Variants in SPOCK1 observed in about 807,000 individuals in gnomAD.
SPOCK1 encodes testican-1.
In SPOCK1, 23 loss-of-function variants were observed where a neutral mutation model predicts 55.3. The observed-to-expected ratio is 0.42, with a 90% CI of 0.30 to 0.59. SPOCK1 has a LOEUF of 0.59. Ranked by LOEUF, SPOCK1 falls within the 20% of genes least tolerant of loss-of-function variation. The pLI is 0.22. For synonymous variants in SPOCK1, 226 were observed against 221.0 expected (o/e 1.02, Z -0.20); for missense variants, 499 against 552.5 (o/e 0.90, Z 0.97).
chr5:137,153,084 G>T (rs992846037), intron 3 of SPOCK1, among the ~76,000 whole-genome samples: 2 of 152,172 alleles, frequency 1.3e-5, no homozygotes, highest in African/African-American at 2.4e-5. Context: ...TATCTTGGGG[G>T]TTCAATAACT....
chr5:137,329,784 C>A (rs1758138268), intron 2 of SPOCK1, among the ~76,000 whole-genome samples: 1 of 152,196 alleles, frequency 6.6e-6, no homozygotes, highest in Admixed American at 6.5e-5. Context: ...GCTCGAGAAG[C>A]CATCTGCATG....
At chr5:137,347,327 G>A (rs551126899) in intron 2 of SPOCK1, among the ~76,000 whole-genome samples, 1 of 152,326 alleles carries the variant, frequency 6.6e-6, no homozygotes, top group African/African-American at 2.4e-5. Flanking sequence ...CTAACAGGGT[G>A]TAATTTCTCA....
At chr5:137,368,769 C>G (rs1048181277) in intron 2 of SPOCK1, among the ~76,000 whole-genome samples, 2 of 152,342 alleles carry the variant, frequency 1.3e-5, no homozygotes, top group Non-Finnish European at 2.9e-5. Context: ...CCACATCTCC[C>G]ATGTGTCTCC....
At chr5:137,382,455 T>A (rs1396387168) in intron 2 of SPOCK1, among the ~76,000 whole-genome samples, 2 of 152,198 alleles carry the variant, frequency 1.3e-5, no homozygotes, top group Admixed American at 6.5e-5. Context: ...ATTTTCACAC[T>A]GATATAAAGA....
intron 5 of SPOCK1, among the ~76,000 whole-genome samples, chr5:137,089,741 A>C (rs1045480996): frequency 3.3e-5 from 5 of 151,946 alleles, no homozygotes; most frequent in Non-Finnish European, 7.4e-5. Context: ...CAGAAACGCC[A>C]AATCTACACT....
At chr5:137,118,988 T>G (rs1451452198) in intron 4 of SPOCK1, among the ~76,000 whole-genome samples, 2 of 152,218 alleles carry the variant, frequency 1.3e-5, no homozygotes, top group Admixed American at 6.5e-5. Flanking sequence ...ACATAGCAAC[T>G]ACTCTGAGGG....
chr5:137,341,152 C>T (rs571048141), intron 2 of SPOCK1, among the ~76,000 whole-genome samples: 27 of 152,372 alleles, frequency 1.8e-4, no homozygotes, highest in African/African-American at 6.3e-4. Flanking sequence ...CAAGGGGGAA[C>T]AACTTCAAGC....
At chr5:137,173,388 C>T (rs113390219) in intron 3 of SPOCK1, among the ~76,000 whole-genome samples, 1 of 152,148 alleles carries the variant, frequency 6.6e-6, no homozygotes, top group Non-Finnish European at 1.5e-5. Context: ...TCAACTTTTT[C>T]TTAACCAGAG....
intron 3 of SPOCK1, among the ~76,000 whole-genome samples, chr5:137,265,346 C>T (rs2127115365): frequency 6.6e-6 from 1 of 152,264 alleles, no homozygotes; most frequent in South Asian, 2.1e-4. Flanking sequence ...ACATTTGATC[C>T]TTATAGCACA....
intron 2 of SPOCK1, among the ~76,000 whole-genome samples, chr5:137,382,422 G>A (rs1442027454): frequency 6.6e-6 from 1 of 152,066 alleles, no homozygotes; most frequent in African/African-American, 2.4e-5. Context: ...CACTCTCCTG[G>A]TACCAATTTT....
Position 137,397,802 on chromosome 5 carries a change from C to T in SPOCK1, c.186+100571G>A, listed in dbSNP as rs1233419466. Among the ~76,000 whole-genome samples, 3 of 152,160 alleles carry T rather than the reference C, an allele frequency of 2.0e-5. No individual in the cohort carries two copies. In the East Asian group the frequency reaches 5.8e-4, roughly 29 times the overall value. On this transcript the variant is annotated intron_variant, in intron 2 of 10. Transcript: ENST00000394945. ...AAGGGGCTTAAGTCATTTCAGCTGG[C>T]TCTCACATATTCAAGATTCAGCTCA...
At chr5:137,072,524 A>T (rs903124876) in intron 5 of SPOCK1, among the ~76,000 whole-genome samples, 2 of 152,214 alleles carry the variant, frequency 1.3e-5, no homozygotes, top group African/African-American at 4.8e-5. Context: ...GTGCTAGCAG[A>T]TTTCCCAACC....
intron 2 of SPOCK1, among the ~76,000 whole-genome samples, chr5:137,300,517 A>G (rs1207041773): frequency 6.6e-6 from 1 of 152,092 alleles, no homozygotes; most frequent in Non-Finnish European, 1.5e-5. Context: ...TTTATGTTCC[A>G]ATAGGCAGTT....
chr5:137,441,437 T>G (rs1426900754), intron 2 of SPOCK1, among the ~76,000 whole-genome samples: 1 of 152,216 alleles, frequency 6.6e-6, no homozygotes, highest in Admixed American at 6.5e-5. Flanking sequence ...AGTCTATGAT[T>G]CCAACTTTTA....
chr5:137,072,665 T>C (rs1036317914), intron 5 of SPOCK1, among the ~76,000 whole-genome samples: 1 of 152,246 alleles, frequency 6.6e-6, no homozygotes, highest in Admixed American at 6.5e-5. Flanking sequence ...TTCTGGTTCA[T>C]TGCTCACACA....
At chr5:137,455,539 T>A (rs895159892) in intron 2 of SPOCK1, among the ~76,000 whole-genome samples, 2 of 152,110 alleles carry the variant, frequency 1.3e-5, no homozygotes, top group Non-Finnish European at 2.9e-5. Flanking sequence ...CAGCAGCCAG[T>A]CAAAGTCATA....
rs146762668 is a variant in SPOCK1, at chr5:137,434,480, C to CTTTTTTTT, written c.186+63885_186+63892dup. ...TTTCCCTTCTCCATTTCTTTTTTTT[C>CTTTTTTTT]TTTTTTTTTTTTTTTTTTTTTTTTT... On this transcript the variant is annotated intron_variant, in intron 2 of 10. Coordinates refer to ENST00000394945, the MANE Select transcript of SPOCK1 (RefSeq NM_004598.4). 7.6e-3 allele frequency among the ~76,000 whole-genome samples: 517 copies of CTTTTTTTT among 68,276 alleles called. 19 individuals are homozygous for CTTTTTTTT. Among genetic ancestry groups the CTTTTTTTT allele is most frequent in the East Asian group, 0.011 (24 of 2,142 alleles). 44.8% of individuals were successfully genotyped at this position (68,276 alleles called of 152,430 possible). A position where few individuals can be genotyped will look rare whatever the true frequency, so the allele number is the denominator to read the frequency against.
chr5:137,314,326 A>C (rs575600058), intron 2 of SPOCK1, among the ~76,000 whole-genome samples: 34 of 152,270 alleles, frequency 2.2e-4, no homozygotes, highest in Middle Eastern at 3.4e-3. Context: ...AAAGGCCTCC[A>C]AACTCCAGCC....
At chr5:137,482,043 A>G (rs1434582063) in intron 2 of SPOCK1, among the ~76,000 whole-genome samples, 1 of 152,196 alleles carries the variant, frequency 6.6e-6, no homozygotes, top group Non-Finnish European at 1.5e-5. Flanking sequence ...CTGGCAAGTG[A>G]CTGGCCAGGG....
Sources: gnomAD v4.1 joint callset for allele counts (sites outside exome capture counted in the v4.1 genomes callset) on GRCh38, gnomAD v4.1.1 for gene constraint, MANE v1.5 for transcripts, NCBI Gene and HGNC (gene_info 2026-07-23, HGNC 2026-07-21) for gene names.